The following NRXN1 variants were observed in gnomAD, a reference collection of about 807,000 sequenced individuals.
The protein encoded by NRXN1 is neurexin-1.
Under a neutral mutation model 150.9 loss-of-function variants are expected in NRXN1, and 39 were observed. That is an observed-to-expected ratio of 0.26 (90% CI 0.20 to 0.34). The LOEUF is 0.34. Ranked by LOEUF, NRXN1 falls within the 10% of genes least tolerant of loss-of-function variation. NRXN1 has a pLI of 1.00. For synonymous variants in NRXN1, 924 were observed against 757.0 expected, an observed-to-expected ratio of 1.22 and a Z score of -3.62; for missense variants, 1,815 against 1,949.9, an observed-to-expected ratio of 0.93 and a Z score of 1.30.
rs1319552356 is a variant in NRXN1, at chr2:50,955,102, A to G, written c.773-29147T>C. On this transcript the variant is annotated intron_variant, in intron 2 of 22. Coordinates refer to ENST00000401669, the MANE Select transcript of NRXN1 (RefSeq NM_001330078.2). ...CTCTCTATCTCTCACACACACACGC[A>G]CACACAAACTCTTACATAATTGTCT... Among the ~76,000 whole-genome samples the G allele has an allele frequency of 2.0e-5, 3 of 152,144 alleles. No homozygotes were observed. The East Asian group carries it at 5.8e-4, about 29-fold the overall frequency.
intron 17 of NRXN1, among the ~76,000 whole-genome samples, chr2:50,322,291 C>A (rs1275790169): frequency 6.6e-6 from 1 of 152,102 alleles, no homozygotes; most frequent in Non-Finnish European, 1.5e-5. Context: ...AACCCAGAAA[C>A]CTCCAAATAC....
chr2:50,776,440 C>A (rs1403384062), intron 5 of NRXN1, among the ~76,000 whole-genome samples: 1 of 152,076 alleles, frequency 6.6e-6, no homozygotes, highest in East Asian at 1.9e-4. Flanking sequence ...TCTTTTATTT[C>A]AGAGCATTCA....
intron 10 of NRXN1, among the ~76,000 whole-genome samples, chr2:50,537,483 C>T (rs2093289141): frequency 1.3e-5 from 2 of 151,988 alleles, no homozygotes; most frequent in African/African-American, 4.8e-5. Context: ...TGGCTATTGC[C>T]CTTCAGTTTT....
intron 17 of NRXN1, among the ~76,000 whole-genome samples, chr2:50,265,481 G>A (rs911609146): frequency 6.6e-6 from 1 of 152,166 alleles, no homozygotes; most frequent in Non-Finnish European, 1.5e-5. Flanking sequence ...AAGTGCTACT[G>A]TGATTACATC....
At chr2:50,901,392 C>T (rs182289429) in intron 5 of NRXN1, among the ~76,000 whole-genome samples, 38 of 152,014 alleles carry the variant, frequency 2.5e-4, no homozygotes, top group African/African-American at 8.9e-4. Context: ...AAAAAATTAG[C>T]CAGGCATGGT....
At chr2:50,122,246 C>G (rs1375712086) in intron 18 of NRXN1, among the ~76,000 whole-genome samples, 2 of 152,230 alleles carry the variant, frequency 1.3e-5, no homozygotes, top group African/African-American at 4.8e-5. Context: ...AGTACCTTCT[C>G]TTCTGTTACC....
chr2:50,522,646 T>G lies in NRXN1; in HGVS notation c.2374+5979A>C, dbSNP rs77108432. Among the ~76,000 whole-genome samples, 493 of 152,112 alleles carry G rather than the reference T, an allele frequency of 3.2e-3. 1 individual carries two copies. Among genetic ancestry groups the G allele is most frequent in the African/African-American group, 0.011 (471 of 41,472 alleles). On this transcript the variant is annotated intron_variant, in intron 12 of 22. Transcript: ENST00000401669. ...TAAATATGCAATGAAAGCTGTATTCTTCTTTACAATTCTCATAAGTTTAAA... is the reference window on the plus strand; with the variant it reads ...TAAATATGCAATGAAAGCTGTATTCGTCTTTACAATTCTCATAAGTTTAAA...
chr2:50,767,148 C>G (rs1702474099), intron 5 of NRXN1, among the ~76,000 whole-genome samples: 1 of 152,010 alleles, frequency 6.6e-6, no homozygotes, highest in Non-Finnish European at 1.5e-5. Flanking sequence ...AGAGACAGCT[C>G]AACTACCATA....
intron 5 of NRXN1, among the ~76,000 whole-genome samples, chr2:50,717,229 T>C (rs1355069601): frequency 6.6e-6 from 1 of 152,214 alleles, no homozygotes; most frequent in Non-Finnish European, 1.5e-5. Flanking sequence ...TTAAATGACA[T>C]TTATTCCTCT....
At chr2:50,148,967 C>T (rs576987092) in intron 18 of NRXN1, among the ~76,000 whole-genome samples, 1 of 151,786 alleles carries the variant, frequency 6.6e-6, no homozygotes, top group South Asian at 2.1e-4. Flanking sequence ...TGTGTATAAT[C>T]ATCTCTGGGT....
intron 17 of NRXN1, among the ~76,000 whole-genome samples, chr2:50,409,680 C>A (rs1314320871): frequency 6.6e-6 from 1 of 152,202 alleles, no homozygotes; most frequent in African/African-American, 2.4e-5. Flanking sequence ...ACCACCAAAT[C>A]ATTTGGTTTT....
At chr2:50,559,072 A>T (rs1054541269) in intron 8 of NRXN1, among the ~76,000 whole-genome samples, 13 of 151,868 alleles carry the variant, frequency 8.6e-5, no homozygotes, top group Non-Finnish European at 1.3e-4. Context: ...ACAGAGTGAG[A>T]CTCCGTCTCA....
chr2:50,641,999 T>C (rs542712453), intron 5 of NRXN1, among the ~76,000 whole-genome samples: 84 of 152,234 alleles, frequency 5.5e-4, no homozygotes, highest in African/African-American at 1.9e-3. Context: ...AATCAACATA[T>C]GCATATAGAT....
At chr2:50,581,763 C>G (rs1367910800) in intron 8 of NRXN1, among the ~76,000 whole-genome samples, 2 of 152,070 alleles carry the variant, frequency 1.3e-5, no homozygotes, top group African/African-American at 4.8e-5. Context: ...AATAAGACAT[C>G]TAGCTAGAAA....
At position 50,484,705 on chromosome 2, in the gene NRXN1, C is replaced by T. The variant is rs150822501; in HGVS notation, c.3070+11200G>A. Among the ~76,000 whole-genome samples, 148 of 152,292 alleles carry T rather than the reference C, an allele frequency of 9.7e-4. 2 individuals are homozygous for T. In the East Asian group the frequency reaches 0.027, roughly 28 times the overall value. On this transcript the variant is annotated intron_variant, in intron 15 of 22. Coordinates refer to ENST00000401669, the MANE Select transcript of NRXN1 (RefSeq NM_001330078.2). The stretch of plus-strand genomic sequence containing the variant: ...TAGCTGTATTGTTTGAGGAGAACTT[C>T]AGGGGCTAAGAAGACAGAACCAATA...
At chr2:50,627,360 T>TGTGA (rs1332980400) in intron 5 of NRXN1, among the ~76,000 whole-genome samples, 1 of 24,626 alleles carries the variant, frequency 4.1e-5, no homozygotes. Context: ...TTCATGTATG[T>TGTGA]GTGTGTGTGT....
At chr2:50,580,492 A>G (rs926886623) in intron 8 of NRXN1, among the ~76,000 whole-genome samples, 2 of 152,244 alleles carry the variant, frequency 1.3e-5, no homozygotes, top group East Asian at 1.9e-4. Flanking sequence ...ATAGAGAAGT[A>G]TATCACTATT....
intron 5 of NRXN1, among the ~76,000 whole-genome samples, chr2:50,883,513 T>G (rs1264048291): frequency 6.6e-6 from 1 of 151,692 alleles, no homozygotes; most frequent in Non-Finnish European, 1.5e-5. Context: ...TGTTATTGGA[T>G]AACATTAAAA....
chr2:50,306,425 G>A (rs2074614634), intron 17 of NRXN1, among the ~76,000 whole-genome samples: 1 of 152,186 alleles, frequency 6.6e-6, no homozygotes, highest in African/African-American at 2.4e-5. Context: ...TGAGCCTTTT[G>A]TCTTTAACTT....
Sources: gnomAD v4.1 joint callset for allele counts (sites outside exome capture counted in the v4.1 genomes callset) on GRCh38, gnomAD v4.1.1 for gene constraint, MANE v1.5 for transcripts, NCBI Gene and HGNC (gene_info 2026-07-23, HGNC 2026-07-21) for gene names.